PCDH9: variants seen among roughly 807,000 people sequenced by gnomAD.
PCDH9 encodes the protein protocadherin-9.
A neutral mutation model predicts 70.6 loss-of-function variants in PCDH9; 24 were observed. The ratio of observed to expected loss-of-function variants is 0.34; its 90% CI spans 0.25 to 0.48. The LOEUF is 0.48. Ranked by LOEUF, PCDH9 falls within the 20% of genes least tolerant of loss-of-function variation. The pLI is 0.99. For synonymous variants in PCDH9, 562 were observed against 558.5 expected (o/e 1.01, Z -0.09); for missense variants, 1,281 against 1,503.6 (o/e 0.85, Z 2.45).
chr13:66,745,041 A>T (rs1459735765), intron 3 of PCDH9, among the ~76,000 whole-genome samples: 1 of 152,162 alleles, frequency 6.6e-6, no homozygotes, highest in African/African-American at 2.4e-5. Context: ...AGCTATATAA[A>T]CTTAGCAATT....
At chr13:66,713,929 T>C (rs2078833907) in intron 3 of PCDH9, among the ~76,000 whole-genome samples, 2 of 152,040 alleles carry the variant, frequency 1.3e-5, no homozygotes, top group South Asian at 4.1e-4. Flanking sequence ...TGACTCCTGC[T>C]AAATATTCTT....
At chr13:66,420,434 A>G (rs573609998) in intron 4 of PCDH9, among the ~76,000 whole-genome samples, 2 of 152,174 alleles carry the variant, frequency 1.3e-5, no homozygotes, top group Non-Finnish European at 2.9e-5. Context: ...TCCAGCTGGC[A>G]TCTGGTGGGT....
At chr13:67,060,526 G>C (rs2085518876) in intron 2 of PCDH9, among the ~76,000 whole-genome samples, 1 of 151,910 alleles carries the variant, frequency 6.6e-6, no homozygotes, top group Non-Finnish European at 1.5e-5. Flanking sequence ...TAAGACCTGA[G>C]TATTGTTTTC....
chr13:67,100,887 T>A (rs1164118838), intron 2 of PCDH9, among the ~76,000 whole-genome samples: 1 of 152,082 alleles, frequency 6.6e-6, no homozygotes, highest in Non-Finnish European at 1.5e-5. Context: ...GTGCAGAGAA[T>A]AAAAACTGCT....
chr13:66,683,097 C>T (rs940634220), intron 3 of PCDH9, among the ~76,000 whole-genome samples: 9 of 152,136 alleles, frequency 5.9e-5, no homozygotes, highest in African/African-American at 9.7e-5. Context: ...TTAAATACAA[C>T]GTTACAACCT....
At chr13:66,493,626 A>G (rs1408864526) in intron 4 of PCDH9, among the ~76,000 whole-genome samples, 4 of 152,176 alleles carry the variant, frequency 2.6e-5, no homozygotes, top group Non-Finnish European at 5.9e-5. Context: ...GAGCTGCCAT[A>G]ACCAAGGAAG....
intron 4 of PCDH9, among the ~76,000 whole-genome samples, chr13:66,344,019 A>G (rs2138151939): frequency 6.6e-6 from 1 of 152,344 alleles, no homozygotes; most frequent in Non-Finnish European, 1.5e-5. Flanking sequence ...AGAAAAGGAA[A>G]TGTTTAAAAA....
chr13:66,622,038 C>T (rs1163770956), intron 4 of PCDH9, among the ~76,000 whole-genome samples: 1 of 152,222 alleles, frequency 6.6e-6, no homozygotes, highest in African/African-American at 2.4e-5. Flanking sequence ...GCCCCGCACT[C>T]GGAGCAGCCG....
chr13:66,620,829 C>A (rs1566460643), intron 4 of PCDH9, among the ~76,000 whole-genome samples: 1 of 151,934 alleles, frequency 6.6e-6, no homozygotes, highest in Non-Finnish European at 1.5e-5. Context: ...CCTCTTGGAC[C>A]AAGTAACACA....
intron 3 of PCDH9, among the ~76,000 whole-genome samples, chr13:66,666,346 T>C (rs2078097013): frequency 6.6e-6 from 1 of 152,086 alleles, no homozygotes; most frequent in South Asian, 2.1e-4. Context: ...CTGCTGGATG[T>C]CTGGTCGTGG....
intron 2 of PCDH9, among the ~76,000 whole-genome samples, chr13:67,072,818 A>G (rs1388084580): frequency 1.3e-5 from 2 of 152,170 alleles, no homozygotes; most frequent in Non-Finnish European, 2.9e-5. Context: ...ATGAGTAAAC[A>G]CTAAAATTAA....
chr13:67,172,160 G>T (rs1330211560), intron 2 of PCDH9, among the ~76,000 whole-genome samples: 1 of 152,070 alleles, frequency 6.6e-6, no homozygotes, highest in Non-Finnish European at 1.5e-5. Flanking sequence ...ACTATTTCAG[G>T]CACCCTTACT....
Position 67,111,135 on chromosome 13 carries a change from T to A in PCDH9, c.3036+114270A>T, listed in dbSNP as rs557534517. ...ATAATACTGCTTTAACCAAAACGAG[T>A]TAAGATTCTAATTATATGTGCATAT... On this transcript the variant is annotated intron_variant, in intron 2 of 4. Transcript: ENST00000377865. 2.0e-5 allele frequency among the ~76,000 whole-genome samples: 3 copies of A among 152,266 alleles called. No homozygotes were observed. In the South Asian group the frequency reaches 6.2e-4, roughly 32 times the overall value.
At chr13:66,907,649 A>AG (rs923084287) in intron 2 of PCDH9, among the ~76,000 whole-genome samples, 2 of 152,198 alleles carry the variant, frequency 1.3e-5, no homozygotes, top group Admixed American at 6.5e-5. Context: ...CCATATTAAG[A>AG]GAAAAATAAT....
chr13:66,305,616 T>G (rs1469775686), intron 4 of PCDH9, among the ~76,000 whole-genome samples: 2 of 152,114 alleles, frequency 1.3e-5, no homozygotes, highest in Admixed American at 6.6e-5. Context: ...TTTGAAAAGT[T>G]AAATACTCAT....
chr13:66,778,126 C>G (rs1278930932), intron 3 of PCDH9, among the ~76,000 whole-genome samples: 1 of 91,884 alleles, frequency 1.1e-5, no homozygotes, highest in Non-Finnish European at 2.1e-5. Context: ...ACTCTGGGGA[C>G]TGTTGTGGGG....
chr13:66,745,109 C>T (rs1355035958), intron 3 of PCDH9, among the ~76,000 whole-genome samples: 1 of 152,138 alleles, frequency 6.6e-6, no homozygotes, highest in Non-Finnish European at 1.5e-5. Flanking sequence ...TAGCACCCCA[C>T]TCATAAGGAT....
At chr13:67,160,201 A>T (rs538584823) in intron 2 of PCDH9, among the ~76,000 whole-genome samples, 1 of 152,350 alleles carries the variant, frequency 6.6e-6, no homozygotes, top group East Asian at 1.9e-4. Context: ...AAAGTTTTAT[A>T]AGTTTTCTTT....
intron 4 of PCDH9, among the ~76,000 whole-genome samples, chr13:66,363,834 T>C (rs1956510392): frequency 6.6e-6 from 1 of 152,156 alleles, no homozygotes; most frequent in Admixed American, 6.6e-5. Context: ...GATAATGATG[T>C]TGGGCCTACT....
Sources: gnomAD v4.1 joint callset for allele counts (sites outside exome capture counted in the v4.1 genomes callset) on GRCh38, gnomAD v4.1.1 for gene constraint, MANE v1.5 for transcripts, NCBI Gene and HGNC (gene_info 2026-07-23, HGNC 2026-07-21) for gene names.